Variants in MEGF11 observed in about 807,000 individuals in gnomAD.
MEGF11 encodes the protein multiple epidermal growth factor-like domains protein 11.
In MEGF11, 126 loss-of-function variants were observed where a neutral mutation model predicts 146.6. The ratio of observed to expected loss-of-function variants is 0.86; its 90% confidence interval spans 0.74 to 1.00. The LOEUF (loss-of-function observed/expected upper bound fraction) is 1.00, where lower values mean the gene tolerates loss of function less well. Ranked by LOEUF, MEGF11 falls within the 50% of genes least tolerant of loss-of-function variation. The pLI is 0.00. For missense variants in MEGF11, 1,509 were observed against 1,521.2 expected (o/e 0.99, Z 0.13); for synonymous variants, 532 against 583.4 (o/e 0.91, Z 1.27).
chr15:65,965,037 G>A lies in MEGF11; in HGVS notation c.983C>T (p.Pro328Leu), dbSNP rs780067553. Residue 328 changes from proline (P) to leucine (L), a missense_variant, in exon 9 of 26, where the codon CCC becomes CTC. By Grantham distance (98) the Pro-to-Leu change is moderately conservative. Transcript: ENST00000395614. ...CDCHNGGQCS[P>L]TTGACECEPG... is the part of the protein sequence containing the mutation. ...CTCACACTCGCAGGCACCCGTGGTG[G>A]GTGAACACTGCCCCCCATTGTGGCA... 6.3e-7 allele frequency: 1 copy of A among 1,586,914 alleles called. No homozygotes were observed. The highest frequency in any genetic ancestry group is 8.6e-7 in the Non-Finnish European group (1 of 1,166,452).
At chr15:65,983,213 A>C (rs772535506) in intron 5 of MEGF11, among the ~76,000 whole-genome samples, 3 of 152,218 alleles carry the variant, frequency 2.0e-5, no homozygotes, top group Non-Finnish European at 4.4e-5. Context: ...CAGAAGGAGC[A>C]GGAAAAAGAA....
chr15:66,188,849 AT>A (rs1176206000), intron 1 of MEGF11, among the ~76,000 whole-genome samples: 2 of 152,072 alleles, frequency 1.3e-5, no homozygotes, highest in African/African-American at 2.4e-5. Flanking sequence ...CACATGTGCA[AT>A]TTTTTTTCTT....
At chr15:66,016,091 G>T (rs2082874879) in intron 5 of MEGF11, among the ~76,000 whole-genome samples, 1 of 151,916 alleles carries the variant, frequency 6.6e-6, no homozygotes. Flanking sequence ...GCTATTTATA[G>T]AATTATCTTT....
At chr15:66,088,413 T>C (rs946639530) in intron 5 of MEGF11, among the ~76,000 whole-genome samples, 1 of 152,154 alleles carries the variant, frequency 6.6e-6, no homozygotes, top group South Asian at 2.1e-4. Flanking sequence ...TCCCAGCACT[T>C]TGGGAGGCTG....
intron 9 of MEGF11, among the ~76,000 whole-genome samples, chr15:65,957,986 G>A (rs2080719517): frequency 6.6e-6 from 1 of 152,206 alleles, no homozygotes; most frequent in Non-Finnish European, 1.5e-5. Flanking sequence ...TAGAACACAG[G>A]TCTTCTGACT....
At chr15:66,189,923 G>A (rs2090825453) in intron 1 of MEGF11, among the ~76,000 whole-genome samples, 1 of 152,182 alleles carries the variant, frequency 6.6e-6, no homozygotes, top group Admixed American at 6.5e-5. Flanking sequence ...CAAGGCTGTA[G>A]TGAGCTATGA....
At chr15:66,160,241 C>CT (rs1567267935) in intron 1 of MEGF11, among the ~76,000 whole-genome samples, 1 of 124,734 alleles carries the variant, frequency 8.0e-6, no homozygotes. Flanking sequence ...CAAGGAAAAG[C>CT]CCTCTCTCTC....
chr15:66,050,960 A>C (rs2084424347), intron 5 of MEGF11, among the ~76,000 whole-genome samples: 1 of 152,260 alleles, frequency 6.6e-6, no homozygotes, highest in African/African-American at 2.4e-5. Context: ...CTTACCTGGC[A>C]GCATTTACAG....
chr15:66,039,590 T>C (rs2083869110), intron 5 of MEGF11, among the ~76,000 whole-genome samples: 1 of 152,158 alleles, frequency 6.6e-6, no homozygotes, highest in African/African-American at 2.4e-5. Context: ...CAGGTTACGT[T>C]AAGTGGCTGC....
intron 22 of MEGF11, 70 bp from the exon 23 acceptor site, chr15:65,909,205 A>G: frequency 9.1e-7 from 1 of 1,104,204 alleles, no homozygotes; most frequent in South Asian, 1.3e-5. Flanking sequence ...AGGGGGTAGG[A>G]AGTACACAAG....
In MEGF11 at chr15:65,928,486, G is replaced by T; in HGVS notation, c.1614C>A (p.Cys538Ter). The T allele has an allele frequency of 1.2e-6, 2 of 1,606,532 alleles. No homozygotes were observed. Among genetic ancestry groups the T allele is most frequent in the Non-Finnish European group, 1.7e-6 (2 of 1,175,564 alleles). ...FGLNCSEHCD[C>*]SHADGCDPVT... ...CGGGGTCACATCCATCAGCATGGCTGCAGTCACAGTGTTCACTGCAGTTCA... is the reference window on the plus strand; with the variant it reads ...CGGGGTCACATCCATCAGCATGGCTTCAGTCACAGTGTTCACTGCAGTTCA... Residue 538 changes from cysteine to a stop codon, truncating the protein, a stop_gained, in exon 13 of 26, where the codon TGC (cysteine) becomes TGA (stop). Coordinates refer to ENST00000395614, the MANE Select transcript of MEGF11 (RefSeq NM_001385028.1). LOFTEE classifies it high-confidence loss of function.
intron 4 of MEGF11, among the ~76,000 whole-genome samples, chr15:66,097,106 C>A (rs201391420): frequency 1.3e-5 from 2 of 152,334 alleles, no homozygotes; most frequent in East Asian, 3.9e-4. Flanking sequence ...CTTTCCTCAT[C>A]GTCCTGGTAT....
chr15:66,011,434 T>C (rs2082708298), intron 5 of MEGF11, among the ~76,000 whole-genome samples: 1 of 152,170 alleles, frequency 6.6e-6, no homozygotes, highest in Non-Finnish European at 1.5e-5. Flanking sequence ...AAAAGCGAGA[T>C]GCGGAAAGCT....
chr15:66,187,676 G>A (rs2090747494), intron 1 of MEGF11, among the ~76,000 whole-genome samples: 3 of 95,272 alleles, frequency 3.1e-5, no homozygotes, highest in South Asian at 3.0e-4. Context: ...AGGAGCAATG[G>A]AACAGAGAGA....
chr15:66,024,186 AT>A (rs2083253626), intron 5 of MEGF11, among the ~76,000 whole-genome samples: 1 of 152,352 alleles, frequency 6.6e-6, no homozygotes, highest in African/African-American at 2.4e-5. Flanking sequence ...AGCTGGAAGA[AT>A]TTTAAAAGCC....
At chr15:66,121,286 T>A (rs1416216443) in intron 3 of MEGF11, among the ~76,000 whole-genome samples, 1 of 152,168 alleles carries the variant, frequency 6.6e-6, no homozygotes, top group African/African-American at 2.4e-5. Context: ...TCTGCCTCTG[T>A]CTTTGACCAG....
At chr15:66,073,433 T>G (rs1414549159) in intron 5 of MEGF11, among the ~76,000 whole-genome samples, 1 of 152,182 alleles carries the variant, frequency 6.6e-6, no homozygotes. Flanking sequence ...GACCCACCTC[T>G]TCACTCCATT....
chr15:66,022,306 T>G (rs1053364079), intron 5 of MEGF11, among the ~76,000 whole-genome samples: 1 of 152,230 alleles, frequency 6.6e-6, no homozygotes, highest in Non-Finnish European at 1.5e-5. Flanking sequence ...GTGCCCAGTG[T>G]GGCCTCTGGG....
chr15:65,964,555 C>T (rs769817926), intron 9 of MEGF11, among the ~76,000 whole-genome samples: 8 of 152,194 alleles, frequency 5.3e-5, no homozygotes, highest in South Asian at 2.1e-4. Context: ...TTGTGGCACC[C>T]GAGCCCTGCC....
Sources: gnomAD v4.1 joint callset for allele counts (sites outside exome capture counted in the v4.1 genomes callset) on GRCh38, gnomAD v4.1.1 for gene constraint, MANE v1.5 for transcripts, NCBI Gene and HGNC (gene_info 2026-07-23, HGNC 2026-07-21) for gene names.